The following PARD3 variants were observed in gnomAD, a reference collection of about 807,000 sequenced individuals.
PARD3 encodes par-3 family cell polarity regulator.
Under a neutral mutation model 155.4 loss-of-function variants are expected in PARD3, and 75 were observed. The ratio of observed to expected loss-of-function variants is 0.48; its 90% CI spans 0.40 to 0.58. The LOEUF (loss-of-function observed/expected upper bound fraction) is 0.58. Ranked by LOEUF, PARD3 falls within the 20% of genes least tolerant of loss-of-function variation. The pLI, the probability that PARD3 is intolerant of heterozygous loss-of-function variation, is 0.00. For synonymous variants in PARD3, 576 were observed against 610.5 expected, an observed-to-expected ratio of 0.94 and a Z score of 0.83; for missense variants, 1,642 against 1,721.7, an observed-to-expected ratio of 0.95 and a Z score of 0.82.
chr10:34,781,124 CT>C (rs1467486630), intron 1 of PARD3, among the ~76,000 whole-genome samples: 2 of 152,234 alleles, frequency 1.3e-5, no homozygotes, highest in South Asian at 2.1e-4. Flanking sequence ...CCCCTCCCCC[CT>C]CTAGCCTGCT....
chr10:34,233,733 C>T (rs1564505197), intron 22 of PARD3, among the ~76,000 whole-genome samples: 1 of 152,048 alleles, frequency 6.6e-6, no homozygotes, highest in Admixed American at 6.5e-5. Flanking sequence ...ATCGCTCTCT[C>T]GTCTATTTAT....
intron 2 of PARD3, among the ~76,000 whole-genome samples, chr10:34,572,907 C>T (rs749001866): frequency 2.0e-5 from 3 of 151,968 alleles, no homozygotes; most frequent in African/African-American, 4.8e-5. Flanking sequence ...AAATCCATTT[C>T]GGTGGCAGAA....
chr10:34,234,368 T>C (rs537313438), intron 22 of PARD3, among the ~76,000 whole-genome samples: 18 of 152,338 alleles, frequency 1.2e-4, no homozygotes, highest in Admixed American at 4.6e-4. Flanking sequence ...ACATCCGGAA[T>C]AAAATTTCAT....
In PARD3 at chr10:34,726,860, A is replaced by G. The variant is rs1412946453; in HGVS notation, c.121-30441T>C. On this transcript the variant is annotated intron_variant, in intron 1 of 24. Transcript: ENST00000374788. ...ACATCTTTATACTTTCTCCTTTCTG[A>G]GCACAGACCTCTGAACTTCTCCTCT... is the stretch of plus-strand genomic sequence containing the variant. 6.6e-5 allele frequency among the ~76,000 whole-genome samples: 10 copies of G among 152,096 alleles called. No individual in the cohort carries two copies. In the South Asian group the frequency reaches 8.3e-4, roughly 13 times the overall value.
chr10:34,427,524 G>T (rs551281433), intron 5 of PARD3, among the ~76,000 whole-genome samples: 1 of 152,108 alleles, frequency 6.6e-6, no homozygotes, highest in East Asian at 1.9e-4. Context: ...CATGCACAGC[G>T]GGACATGGAA....
chr10:34,443,464 TTA>T (rs1324164564), intron 5 of PARD3, among the ~76,000 whole-genome samples: 2 of 152,154 alleles, frequency 1.3e-5, no homozygotes, highest in Non-Finnish European at 2.9e-5. Context: ...AATGGACATG[TTA>T]CAGTTCCATG....
At chr10:34,537,162 C>G (rs1370994886) in intron 2 of PARD3, among the ~76,000 whole-genome samples, 2 of 152,112 alleles carry the variant, frequency 1.3e-5, no homozygotes, top group Non-Finnish European at 2.9e-5. Flanking sequence ...GTCACCACAC[C>G]TGGCTTATGT....
intron 1 of PARD3, among the ~76,000 whole-genome samples, chr10:34,780,933 T>C (rs1383548443): frequency 3.9e-5 from 6 of 152,218 alleles, no homozygotes; most frequent in Non-Finnish European, 8.8e-5. Context: ...AAGATATGAC[T>C]TCACACAGCT....
At chr10:34,325,104 G>A (rs1387542266) in intron 19 of PARD3, among the ~76,000 whole-genome samples, 1 of 152,032 alleles carries the variant, frequency 6.6e-6, no homozygotes, top group South Asian at 2.1e-4. Flanking sequence ...CCGCCTCCCG[G>A]GTTCAAGCAA....
intron 20 of PARD3, among the ~76,000 whole-genome samples, chr10:34,288,395 C>T (rs1399918886): frequency 2.0e-5 from 3 of 152,050 alleles, no homozygotes; most frequent in Non-Finnish European, 4.4e-5. Flanking sequence ...ATGGATCACT[C>T]ACAGCTGTAA....
At chr10:34,261,797 GAAAGAAAGAAAGAAAGAA>G (rs1955017025) in intron 22 of PARD3, among the ~76,000 whole-genome samples, 1 of 57,372 alleles carries the variant, frequency 1.7e-5, no homozygotes, top group African/African-American at 3.7e-5. Context: ...AAGAAAGAAA[GAAAGAAAGAAAGAAAGAA>G]AGAAAGAAAG....
At chr10:34,625,114 T>C (rs768097973) in intron 2 of PARD3, among the ~76,000 whole-genome samples, 1 of 152,214 alleles carries the variant, frequency 6.6e-6, no homozygotes, top group South Asian at 2.1e-4. Flanking sequence ...GTCCCCAATG[T>C]TGTCAAGGAT....
chr10:34,564,832 T>C (rs1454882050), intron 2 of PARD3, among the ~76,000 whole-genome samples: 1 of 152,222 alleles, frequency 6.6e-6, no homozygotes, highest in Non-Finnish European at 1.5e-5. Flanking sequence ...AAGCCATTAA[T>C]ATAATTTTAA....
intron 2 of PARD3, among the ~76,000 whole-genome samples, chr10:34,642,796 C>G (rs1277554960): frequency 6.6e-6 from 1 of 152,120 alleles, no homozygotes; most frequent in Non-Finnish European, 1.5e-5. Context: ...GAGCTACCCA[C>G]ACCTCCTGCC....
chr10:34,558,700 G>A (rs7921746), intron 2 of PARD3, among the ~76,000 whole-genome samples: 6,412 of 152,258 alleles, frequency 0.042, 395 homozygotes, highest in African/African-American at 0.14. Context: ...GGAGGCTGAG[G>A]TGGGCAGATC....
In PARD3 at chr10:34,142,927, A is replaced by G. The variant is rs1224183326; in HGVS notation, c.3420-11344T>C. Among the ~76,000 whole-genome samples the G allele has an allele frequency of 3.3e-5, 5 of 152,242 alleles. No individual in the cohort carries two copies. In the East Asian group the frequency reaches 9.6e-4, roughly 29 times the overall value. ...TGAAGTCTGTGCCTCAAACTAAAAT[A>G]TACATTTAGGTGTCTGATTAAAGAG... On this transcript the variant is annotated intron_variant, in intron 22 of 24. Coordinates refer to ENST00000374788, the MANE Select transcript of PARD3 (RefSeq NM_001184785.2).
intron 1 of PARD3, among the ~76,000 whole-genome samples, chr10:34,800,756 G>A (rs539027198): frequency 6.6e-6 from 1 of 152,172 alleles, no homozygotes; most frequent in East Asian, 1.9e-4. Flanking sequence ...TTGTTAAAAC[G>A]GTACCTTCCC....
intron 2 of PARD3, among the ~76,000 whole-genome samples, chr10:34,677,080 G>GT (rs1340386839): frequency 2.6e-5 from 4 of 152,218 alleles, no homozygotes; most frequent in African/African-American, 9.6e-5. Flanking sequence ...TATGGTGGCA[G>GT]TTTCTGCGGA....
At chr10:34,161,245 G>GAA (rs373658384) in intron 22 of PARD3, among the ~76,000 whole-genome samples, 3,542 of 118,476 alleles carry the variant, frequency 0.03, 317 homozygotes, top group East Asian at 0.28. Flanking sequence ...ACCCTGTCTT[G>GAA]AAAAAAAAAA....
Sources: gnomAD v4.1 joint callset for allele counts (sites outside exome capture counted in the v4.1 genomes callset) on GRCh38, gnomAD v4.1.1 for gene constraint, MANE v1.5 for transcripts, NCBI Gene and HGNC (gene_info 2026-07-23, HGNC 2026-07-21) for gene names.